TIAM1: variants seen among roughly 807,000 people sequenced by gnomAD.
TIAM1 encodes TIAM Rac1 associated GEF 1.
Under a neutral mutation model 163.5 loss-of-function variants are expected in TIAM1, and 65 were observed. The observed-to-expected ratio is 0.40, with a 90% CI of 0.33 to 0.49. The LOEUF (loss-of-function observed/expected upper bound fraction) is 0.49, where lower values mean the gene tolerates loss of function less well. Ranked by LOEUF, TIAM1 falls within the 20% of genes least tolerant of loss-of-function variation. The probability of loss-of-function intolerance (pLI) is 0.77; values close to 1 mark genes in which losing one functional copy is unlikely to be tolerated. For synonymous variants in TIAM1, 833 were observed against 810.1 expected (o/e 1.03, Z -0.48); for missense variants, 1,789 against 2,044.7 (o/e 0.87, Z 2.41).
rs199510152 is a variant in TIAM1 at position 31,288,132 on chromosome 21, G to GAC, written c.-188-11225_-188-11224insGT. Among the ~76,000 whole-genome samples, 294 of 152,232 alleles carry GAC rather than the reference G, an allele frequency of 1.9e-3. 6 individuals carry two copies. In the East Asian group the frequency reaches 0.052, roughly 27 times the overall value. On this transcript the variant is annotated intron_variant, in intron 2 of 27. Coordinates refer to ENST00000541036, the MANE Select transcript of TIAM1 (RefSeq NM_001353694.2). ...AGCACCAGATTCAAATGTTATCCCT[G>GAC]AGGGGCCACAATTCACTCACAGTGA... is the stretch of plus-strand genomic sequence containing the variant.
At chr21:31,236,845 G>C (rs984128986) in intron 6 of TIAM1, among the ~76,000 whole-genome samples, 3 of 152,170 alleles carry the variant, frequency 2.0e-5, no homozygotes, top group African/African-American at 7.2e-5. Flanking sequence ...GAGCGCCTGG[G>C]CACGCTTACA....
At chr21:31,147,708 T>A (rs1334796653) in intron 19 of TIAM1, among the ~76,000 whole-genome samples, 1 of 144,324 alleles carries the variant, frequency 6.9e-6, no homozygotes, top group East Asian at 2.0e-4. Flanking sequence ...AAATATATAT[T>A]TTATATAATA....
At chr21:31,522,648 T>C (rs958397363) in intron 1 of TIAM1, among the ~76,000 whole-genome samples, 6 of 152,178 alleles carry the variant, frequency 3.9e-5, no homozygotes, top group Non-Finnish European at 7.3e-5. Flanking sequence ...CAGTAGTAAA[T>C]GGGCCAAACC....
intron 25 of TIAM1, among the ~76,000 whole-genome samples, 199 bp from the exon 26 acceptor site, chr21:31,127,351 G>A (rs941540473): frequency 2.0e-5 from 3 of 151,970 alleles, no homozygotes; most frequent in Non-Finnish European, 2.9e-5. Context: ...GAGAACACTT[G>A]GAAAATTTCC....
chr21:31,295,180 G>A (rs575964452), intron 2 of TIAM1, among the ~76,000 whole-genome samples: 105 of 152,254 alleles, frequency 6.9e-4, no homozygotes, highest in Admixed American at 1.6e-3. Flanking sequence ...TTCTTAAAGG[G>A]TCTTAAAGGG....
At chr21:31,191,392 G>C (rs1020016765) in intron 13 of TIAM1, among the ~76,000 whole-genome samples, 1 of 152,128 alleles carries the variant, frequency 6.6e-6, no homozygotes, top group Non-Finnish European at 1.5e-5. Flanking sequence ...TTGACCTCAT[G>C]ATCTGCCCAC....
intron 11 of TIAM1, among the ~76,000 whole-genome samples, chr21:31,208,627 G>A (rs1224134456): frequency 6.6e-6 from 1 of 152,110 alleles, no homozygotes; most frequent in Admixed American, 6.5e-5. Flanking sequence ...TCCATGTCAG[G>A]GCTGACTTTA....
chr21:31,194,133 C>CTTT (rs34928789), intron 13 of TIAM1, among the ~76,000 whole-genome samples: 1 of 150,650 alleles, frequency 6.6e-6, no homozygotes, highest in African/African-American at 2.4e-5. Context: ...TCTCCTTTCT[C>CTTT]TTTTTTTTTG....
At chr21:31,237,523 GCTAT>G (rs1286981004) in intron 6 of TIAM1, among the ~76,000 whole-genome samples, 3 of 152,142 alleles carry the variant, frequency 2.0e-5, no homozygotes, top group African/African-American at 4.8e-5. Context: ...TTAAGCATTT[GCTAT>G]CTATCAGACA....
At chr21:31,424,301 G>A (rs535281140) in intron 2 of TIAM1, among the ~76,000 whole-genome samples, 4 of 152,254 alleles carry the variant, frequency 2.6e-5, no homozygotes, top group South Asian at 4.1e-4. Flanking sequence ...ATTTGTCTAC[G>A]ATCTCACAGC....
At chr21:31,281,085 C>CAAAAAA (rs748020575) in intron 2 of TIAM1, among the ~76,000 whole-genome samples, 96 of 63,440 alleles carry the variant, frequency 1.5e-3, no homozygotes, top group African/African-American at 3.5e-3. Context: ...GACCCTAACT[C>CAAAAAA]AAAAAAAAAA....
chr21:31,146,858 C>G (rs776859174), intron 20 of TIAM1, 37 bp downstream of exon 20: 1 of 1,558,246 alleles, frequency 6.4e-7, no homozygotes, highest in South Asian at 1.1e-5. Flanking sequence ...AACTGACAAG[C>G]AACACACCCC....
At chr21:31,242,357 C>CA (rs996787463) in intron 6 of TIAM1, among the ~76,000 whole-genome samples, 3 of 151,814 alleles carry the variant, frequency 2.0e-5, no homozygotes, top group Admixed American at 1.3e-4. Context: ...TCCATCTCTA[C>CA]AAAAAAATAG....
chr21:31,477,302 T>C (rs568879471), intron 1 of TIAM1, among the ~76,000 whole-genome samples: 131 of 152,268 alleles, frequency 8.6e-4, no homozygotes, highest in African/African-American at 3.1e-3. Context: ...CTGAAATTCT[T>C]TTTATAAGAA....
At chr21:31,516,234 A>G (rs930192930) in intron 1 of TIAM1, among the ~76,000 whole-genome samples, 1 of 152,106 alleles carries the variant, frequency 6.6e-6, no homozygotes, top group Non-Finnish European at 1.5e-5. Flanking sequence ...CAACATGGTG[A>G]AACCCCATCT....
rs1477795843 is a variant in TIAM1, at chr21:31,119,941, A to G, written c.*427T>C. 1 of 156,274 alleles carries G rather than the reference A, an allele frequency of 6.4e-6. No individual in the cohort carries two copies. Among genetic ancestry groups the G allele is most frequent in the African/African-American group, 2.4e-5 (1 of 41,534 alleles). 9.7% of individuals were successfully genotyped at this position (156,274 alleles called of 1,614,324 possible). ...GAACACGGCAAGCTGTACACATTTCATTTTGTGTGTGAAAGAGGTTTCCCC... is the reference window on the plus strand; with the variant it reads ...GAACACGGCAAGCTGTACACATTTCGTTTTGTGTGTGAAAGAGGTTTCCCC... On this transcript the variant is annotated 3_prime_UTR_variant, in exon 28 of 28. Coordinates refer to ENST00000541036, the MANE Select transcript of TIAM1 (RefSeq NM_001353694.2).
intron 1 of TIAM1, among the ~76,000 whole-genome samples, chr21:31,538,814 C>G (rs1038310931): frequency 1.3e-5 from 2 of 152,206 alleles, no homozygotes; most frequent in Non-Finnish European, 2.9e-5. Flanking sequence ...CGTTTTTATG[C>G]ATTTCTCGCT....
intron 1 of TIAM1, among the ~76,000 whole-genome samples, chr21:31,533,701 C>T (rs939501474): frequency 2.7e-4 from 41 of 152,196 alleles, no homozygotes; most frequent in African/African-American, 9.4e-4. Flanking sequence ...CACTGCTCTC[C>T]GGCCTGGGTG....
chr21:31,523,009 C>T (rs1434847977), intron 1 of TIAM1, among the ~76,000 whole-genome samples: 2 of 152,186 alleles, frequency 1.3e-5, no homozygotes, highest in Non-Finnish European at 2.9e-5. Flanking sequence ...CAATCATTCT[C>T]AATAAACTGT....
Sources: gnomAD v4.1 joint callset for allele counts (sites outside exome capture counted in the v4.1 genomes callset) on GRCh38, gnomAD v4.1.1 for gene constraint, MANE v1.5 for transcripts, NCBI Gene and HGNC (gene_info 2026-07-23, HGNC 2026-07-21) for gene names.